The following RAPGEF2 variants were observed in gnomAD, a reference collection of about 807,000 sequenced individuals.
RAPGEF2 encodes the protein Rap guanine nucleotide exchange factor 2, also known as PDZ domain containing guanine nucleotide exchange factor (GEF) 1.
In RAPGEF2, 54 loss-of-function variants were observed where a neutral mutation model predicts 186.7. The observed-to-expected ratio is 0.29, with a 90% CI of 0.23 to 0.36. The LOEUF is 0.36. Ranked by LOEUF, RAPGEF2 falls within the 10% of genes least tolerant of loss-of-function variation. The pLI, the probability that RAPGEF2 is intolerant of heterozygous loss-of-function variation, is 1.00. For missense variants in RAPGEF2, 1,532 were observed against 2,045.0 expected, an observed-to-expected ratio of 0.75 and a Z score of 4.84; for synonymous variants, 712 against 705.9, an observed-to-expected ratio of 1.01 and a Z score of -0.14.
intron 4 of RAPGEF2, among the ~76,000 whole-genome samples, chr4:159,221,298 T>C (rs1393978824): frequency 6.6e-6 from 1 of 152,176 alleles, no homozygotes; most frequent in Non-Finnish European, 1.5e-5. Context: ...GCATGTGGCT[T>C]GCATTTTCAG....
At chr4:159,132,823 G>A (rs1265194328) in intron 1 of RAPGEF2, among the ~76,000 whole-genome samples, 1 of 150,224 alleles carries the variant, frequency 6.7e-6, no homozygotes, top group Non-Finnish European at 1.5e-5. Context: ...AATGTTTTTA[G>A]TGTTCTAGAA....
intron 4 of RAPGEF2, among the ~76,000 whole-genome samples, chr4:159,234,100 TTATTA>T (rs57657286): frequency 0.016 from 2,460 of 152,164 alleles, 72 homozygotes; most frequent in African/African-American, 0.055. Context: ...CTTATGTAGT[TTATTA>T]TAAGACTTAC....
intron 9 of RAPGEF2, among the ~76,000 whole-genome samples, chr4:159,317,299 G>A (rs1252425915): frequency 6.6e-6 from 1 of 152,158 alleles, no homozygotes; most frequent in Non-Finnish European, 1.5e-5. Context: ...CAGCTAATGT[G>A]GGTGAGCACC....
intron 2 of RAPGEF2, among the ~76,000 whole-genome samples, chr4:159,190,043 G>A (rs1046089459): frequency 6.6e-6 from 1 of 152,116 alleles, no homozygotes; most frequent in Non-Finnish European, 1.5e-5. Flanking sequence ...TCAAAAGGAG[G>A]GGTGACATTA....
At chr4:159,221,650 T>C (rs1372056487) in intron 4 of RAPGEF2, among the ~76,000 whole-genome samples, 1 of 152,214 alleles carries the variant, frequency 6.6e-6, no homozygotes, top group African/African-American at 2.4e-5. Flanking sequence ...TGTTCAGTTT[T>C]CCCCCTCACT....
chr4:159,176,167 C>G (rs187740543), intron 1 of RAPGEF2, among the ~76,000 whole-genome samples: 147 of 152,128 alleles, frequency 9.7e-4, no homozygotes, highest in Non-Finnish European at 1.6e-3. Flanking sequence ...TAGGCTGTAC[C>G]CAAAGACTGC....
intron 6 of RAPGEF2, among the ~76,000 whole-genome samples, chr4:159,242,414 CTTAAAA>C (rs1235544749): frequency 2.6e-5 from 4 of 151,766 alleles, no homozygotes; most frequent in Admixed American, 6.6e-5. Context: ...TGTACACAGA[CTTAAAA>C]TTATTTACTC....
chr4:159,144,632 A>G (rs1742711204), intron 1 of RAPGEF2, among the ~76,000 whole-genome samples: 1 of 152,172 alleles, frequency 6.6e-6, no homozygotes. Flanking sequence ...GAACTGTGAT[A>G]TGTATTACCC....
chr4:159,351,251 G>A (rs1464752855), intron 26 of RAPGEF2: 59 of 1,424,694 alleles, frequency 4.1e-5, no homozygotes, highest in Non-Finnish European at 5.1e-5. Context: ...GAAAATGGGA[G>A]AATTCCTCCA....
chr4:159,210,174 C>T (rs1750380963), intron 3 of RAPGEF2, among the ~76,000 whole-genome samples: 1 of 152,056 alleles, frequency 6.6e-6, no homozygotes, highest in African/African-American at 2.4e-5. Flanking sequence ...ACTGATAGCT[C>T]TGGGTATTTT....
chr4:159,178,589 G>A (rs1033068220), intron 1 of RAPGEF2, among the ~76,000 whole-genome samples: 12 of 114,632 alleles, frequency 1.0e-4, no homozygotes, highest in Admixed American at 8.9e-4. Flanking sequence ...ACGGAGTCTC[G>A]CTCTGTCACC....
At chr4:159,159,314 C>G (rs1243483507) in intron 1 of RAPGEF2, among the ~76,000 whole-genome samples, 2 of 152,178 alleles carry the variant, frequency 1.3e-5, no homozygotes, top group Non-Finnish European at 2.9e-5. Context: ...TCACTATTCT[C>G]TTAGGAAAAA....
At chr4:159,196,118 A>G (rs192178850) in intron 3 of RAPGEF2, among the ~76,000 whole-genome samples, 64 of 152,214 alleles carry the variant, frequency 4.2e-4, no homozygotes, top group African/African-American at 1.3e-3. Flanking sequence ...AAGGCCCAAA[A>G]TTCAGAGACT....
At chr4:159,275,940 G>T (rs1047688196) in intron 7 of RAPGEF2, among the ~76,000 whole-genome samples, 3 of 152,044 alleles carry the variant, frequency 2.0e-5, no homozygotes. Flanking sequence ...ATTTTTCTCA[G>T]TAATTAAGAA....
At chr4:159,327,947 A>G (rs1437436052) in intron 11 of RAPGEF2, 1 of 152,120 alleles carries the variant, frequency 6.6e-6, no homozygotes, top group East Asian at 1.9e-4. Context: ...ATTTCAAATC[A>G]AATGTATTCT....
intron 4 of RAPGEF2, among the ~76,000 whole-genome samples, chr4:159,225,943 T>C (rs765133953): frequency 2.0e-5 from 3 of 152,172 alleles, no homozygotes; most frequent in Non-Finnish European, 4.4e-5. Context: ...TTAAAAAAAA[T>C]AAAAACTTTG....
chr4:159,131,519 A>ATTGTTTTTTTTT lies in RAPGEF2; in HGVS notation c.69+27290_69+27291insGTTTTTTTTTTT. 8.9e-4 allele frequency among the ~76,000 whole-genome samples: 33 copies of ATTGTTTTTTTTT among 37,184 alleles called. 1 individual carries two copies. The highest frequency in any genetic ancestry group is 0.026 in the Middle Eastern group (1 of 38). The allele number at this position is 37,184 out of a possible 152,430, so 24.4% of individuals were successfully genotyped here. A position where few individuals can be genotyped will look rare whatever the true frequency, so the allele number is the denominator to read the frequency against. ...TGATATCTTTGTCTGATTAATTGCT[A>ATTGTTTTTTTTT]TTTTTTTTTTTTTTTTTTTTTTTTT... On this transcript the variant is annotated intron_variant, in intron 1 of 29. Coordinates refer to ENST00000691494, the MANE Select transcript of RAPGEF2 (RefSeq NM_001394067.2).
chr4:159,271,283 A>G (rs554082573), intron 7 of RAPGEF2, among the ~76,000 whole-genome samples: 251 of 152,324 alleles, frequency 1.6e-3, no homozygotes, highest in Non-Finnish European at 3.0e-3. Context: ...TGGTGCTATC[A>G]AACTGATAAC....
At chr4:159,236,571 C>T (rs1451073817) in intron 4 of RAPGEF2, among the ~76,000 whole-genome samples, 1 of 152,128 alleles carries the variant, frequency 6.6e-6, no homozygotes, top group Non-Finnish European at 1.5e-5. Flanking sequence ...ACATTACAAA[C>T]ATTTATGATT....
Sources: gnomAD v4.1 joint callset for allele counts (sites outside exome capture counted in the v4.1 genomes callset) on GRCh38, gnomAD v4.1.1 for gene constraint, MANE v1.5 for transcripts, NCBI Gene and HGNC (gene_info 2026-07-23, HGNC 2026-07-21) for gene names.